RPRD1A: variants seen among roughly 807,000 people sequenced by gnomAD.
The protein encoded by RPRD1A is regulation of nuclear pre-mRNA domain-containing protein 1A.
RPRD1A carries 9 observed loss-of-function variants against 37.8 expected under a neutral mutation model. The ratio of observed to expected loss-of-function variants is 0.24; its 90% CI spans 0.14 to 0.42. The LOEUF (loss-of-function observed/expected upper bound fraction) is 0.42. Ranked by LOEUF, RPRD1A falls within the 10% of genes least tolerant of loss-of-function variation. The probability of loss-of-function intolerance (pLI) is 1.00; values close to 1 mark genes in which losing one functional copy is unlikely to be tolerated. For synonymous variants in RPRD1A, 138 were observed against 139.7 expected (o/e 0.99, Z 0.08); for missense variants, 255 against 371.0 (o/e 0.69, Z 2.57).
chr18:36,061,674 C>T (rs1407098761), intron 1 of RPRD1A, among the ~76,000 whole-genome samples: 1 of 152,092 alleles, frequency 6.6e-6, no homozygotes, highest in Non-Finnish European at 1.5e-5. Context: ...AAACAGTCAC[C>T]TTCAAAGGAC....
intron 1 of RPRD1A, among the ~76,000 whole-genome samples, chr18:36,059,324 G>C (rs964945535): frequency 2.0e-5 from 3 of 151,962 alleles, no homozygotes; most frequent in African/African-American, 7.3e-5. Context: ...TTTTAGTACT[G>C]ACATGGTTTT....
At chr18:36,043,275 T>C (rs1912725949) in intron 1 of RPRD1A, among the ~76,000 whole-genome samples, 1 of 141,798 alleles carries the variant, frequency 7.1e-6, no homozygotes, top group African/African-American at 2.6e-5. Context: ...TATTACATGA[T>C]TAATCTGAGC....
At chr18:36,035,132 C>G (rs1912098949) in intron 1 of RPRD1A, among the ~76,000 whole-genome samples, 1 of 152,168 alleles carries the variant, frequency 6.6e-6, no homozygotes, top group Non-Finnish European at 1.5e-5. Flanking sequence ...GGGACCCTAT[C>G]CTAACATTCA....
At chr18:36,012,409 T>C (rs565469967) in intron 6 of RPRD1A, among the ~76,000 whole-genome samples, 19 of 152,328 alleles carry the variant, frequency 1.2e-4, no homozygotes, top group African/African-American at 4.3e-4. Context: ...AACTGTAAAA[T>C]GGCCTCAGGG....
intron 1 of RPRD1A, among the ~76,000 whole-genome samples, chr18:36,058,075 A>G (rs968819622): frequency 6.6e-6 from 1 of 152,116 alleles, no homozygotes; most frequent in African/African-American, 2.4e-5. Flanking sequence ...ACAGGGTCTC[A>G]CTCTGTTGCC....
At chr18:36,001,147 A>G (rs1385714081) in intron 6 of RPRD1A, among the ~76,000 whole-genome samples, 1 of 152,206 alleles carries the variant, frequency 6.6e-6, no homozygotes, top group Non-Finnish European at 1.5e-5. Context: ...GCAGCAACAT[A>G]AACATACTAG....
chr18:35,998,503 C>T (rs1054465629), intron 6 of RPRD1A, among the ~76,000 whole-genome samples: 9 of 152,192 alleles, frequency 5.9e-5, no homozygotes, highest in African/African-American at 2.2e-4. Flanking sequence ...TTTCCTCATT[C>T]AACAAGGCCC....
At chr18:36,008,953 G>GT (rs1331719597) in intron 6 of RPRD1A, among the ~76,000 whole-genome samples, 3 of 152,136 alleles carry the variant, frequency 2.0e-5, no homozygotes, top group African/African-American at 7.2e-5. Flanking sequence ...GCACACGGCT[G>GT]TAAGGACACC....
intron 1 of RPRD1A, among the ~76,000 whole-genome samples, chr18:36,041,608 C>G (rs1912584750): frequency 6.6e-6 from 1 of 152,198 alleles, no homozygotes; most frequent in Non-Finnish European, 1.5e-5. Context: ...CTGTGCTGTG[C>G]AGACTTGTAT....
Position 35,993,039 on chromosome 18 carries a change from C to G in RPRD1A, c.*112G>C. ...CAATTTTATAAATTACTCGTTGTTC[C>G]TTTTGTTAGTGTTTCTTTCTCAACA... is the stretch of plus-strand genomic sequence containing the variant. On this transcript the variant is annotated 3_prime_UTR_variant, in exon 7 of 7. Coordinates refer to ENST00000399022, the MANE Select transcript of RPRD1A (RefSeq NM_018170.5). The G allele has an allele frequency of 1.1e-6, 1 of 884,996 alleles. No homozygotes were observed. Among genetic ancestry groups the G allele is most frequent in the Admixed American group, 3.2e-5 (1 of 31,496 alleles). 54.8% of individuals were successfully genotyped at this position (884,996 alleles called of 1,614,324 possible). A position where few individuals can be genotyped will look rare whatever the true frequency, so the allele number is the denominator to read the frequency against.
At chr18:35,995,645 A>C (rs1286355536) in intron 6 of RPRD1A, among the ~76,000 whole-genome samples, 1 of 152,168 alleles carries the variant, frequency 6.6e-6, no homozygotes, top group Non-Finnish European at 1.5e-5. Context: ...CACCTACAGC[A>C]TTTCATATCT....
Position 35,991,487 on chromosome 18 carries a change from CT to C in RPRD1A, c.*1663del, listed in dbSNP as rs1436046657. 6.6e-6 allele frequency: 1 copy of C among 152,170 alleles called. No individual in the cohort carries two copies. The highest frequency in any genetic ancestry group is 2.4e-5 in the African/African-American group (1 of 41,426). 9.4% of individuals were successfully genotyped at this position (152,170 alleles called of 1,614,324 possible). A position where few individuals can be genotyped will look rare whatever the true frequency, so the allele number is the denominator to read the frequency against. On this transcript the variant is annotated 3_prime_UTR_variant, in exon 7 of 7. Transcript: ENST00000399022. ...CTGGTCAGGATCTATGATTAGTAAC[CT>C]GTGAACCACGTTACAAGTGAAGGAC... is the stretch of plus-strand genomic sequence containing the variant.
At chr18:36,039,248 C>G (rs1912416096) in intron 1 of RPRD1A, among the ~76,000 whole-genome samples, 1 of 152,172 alleles carries the variant, frequency 6.6e-6, no homozygotes, top group Non-Finnish European at 1.5e-5. Context: ...GCCTCCCCAG[C>G]AATGCAGAAC....
At chr18:36,037,855 G>T (rs932565557) in intron 1 of RPRD1A, among the ~76,000 whole-genome samples, 1 of 152,150 alleles carries the variant, frequency 6.6e-6, no homozygotes, top group East Asian at 1.9e-4. Flanking sequence ...GCAGCATTTT[G>T]CCCCTGCCCT....
chr18:36,036,584 T>C (rs1912209582), intron 1 of RPRD1A, among the ~76,000 whole-genome samples: 2 of 152,174 alleles, frequency 1.3e-5, no homozygotes, highest in Non-Finnish European at 2.9e-5. Context: ...CAAGCAAAAA[T>C]ATGAAAAATA....
chr18:36,029,255 T>G (rs1341046586), intron 4 of RPRD1A, among the ~76,000 whole-genome samples: 1 of 152,182 alleles, frequency 6.6e-6, no homozygotes, highest in Non-Finnish European at 1.5e-5. Flanking sequence ...CAGGTAGTAA[T>G]TGATTGTATT....
intron 1 of RPRD1A, among the ~76,000 whole-genome samples, chr18:36,066,339 G>A (rs915348175): frequency 1.1e-4 from 16 of 152,150 alleles, no homozygotes; most frequent in African/African-American, 3.9e-4. Context: ...CGTCTATTTT[G>A]ATTAATAACG....
intron 6 of RPRD1A, among the ~76,000 whole-genome samples, chr18:36,022,660 G>A (rs1035599611): frequency 1.3e-5 from 2 of 152,190 alleles, no homozygotes; most frequent in Admixed American, 1.3e-4. Context: ...CAACTGTTGA[G>A]ACCTGCAAAA....
At chr18:36,000,098 C>CGTGCGG in intron 6 of RPRD1A, among the ~76,000 whole-genome samples, 1 of 152,174 alleles carries the variant, frequency 6.6e-6, no homozygotes, top group African/African-American at 2.4e-5. Flanking sequence ...GATGTCAGGG[C>CGTGCGG]GTTTCTGAGA....
Sources: gnomAD v4.1 joint callset for allele counts (sites outside exome capture counted in the v4.1 genomes callset) on GRCh38, gnomAD v4.1.1 for gene constraint, MANE v1.5 for transcripts, NCBI Gene and HGNC (gene_info 2026-07-23, HGNC 2026-07-21) for gene names.